The following SPOCK1 variants were observed in gnomAD, a reference collection of about 807,000 sequenced individuals.
SPOCK1 encodes SPARC (osteonectin), cwcv and kazal like domains proteoglycan 1.
In SPOCK1, 23 loss-of-function variants were observed where a neutral mutation model predicts 55.3. That is an observed-to-expected ratio of 0.42 (90% CI 0.30 to 0.59). The LOEUF (loss-of-function observed/expected upper bound fraction) is 0.59. Ranked by LOEUF, SPOCK1 falls within the 20% of genes least tolerant of loss-of-function variation. The pLI, the probability that SPOCK1 is intolerant of heterozygous loss-of-function variation, is 0.22. For synonymous variants in SPOCK1, 226 were observed against 221.0 expected, an observed-to-expected ratio of 1.02 and a Z score of -0.20; for missense variants, 499 against 552.5, an observed-to-expected ratio of 0.90 and a Z score of 0.97.
chr5:137,222,540 A>G (rs1222354303), intron 3 of SPOCK1, among the ~76,000 whole-genome samples: 1 of 152,192 alleles, frequency 6.6e-6, no homozygotes, highest in Admixed American at 6.5e-5. Context: ...TAATACAACT[A>G]TAAGAGGGAG....
chr5:137,424,047 CT>C (rs1433878441), intron 2 of SPOCK1, among the ~76,000 whole-genome samples: 3 of 151,956 alleles, frequency 2.0e-5, no homozygotes, highest in African/African-American at 7.3e-5. Flanking sequence ...AAAGTCTATC[CT>C]TTTCTCCAGT....
At chr5:137,318,986 A>T (rs1044609911) in intron 2 of SPOCK1, among the ~76,000 whole-genome samples, 12 of 152,230 alleles carry the variant, frequency 7.9e-5, no homozygotes, top group African/African-American at 2.9e-4. Context: ...CAGGGCATAC[A>T]ATTCATGCTT....
chr5:137,465,313 CAAAATCATGACAGCTTTAAAAAAATT>C (rs1486527894), intron 2 of SPOCK1, among the ~76,000 whole-genome samples: 3 of 152,166 alleles, frequency 2.0e-5, no homozygotes, highest in Middle Eastern at 3.4e-3. Flanking sequence ...AGAAAGCTGC[CAAAATCATGACAGCTTTAAAAAAATT>C]AAAATCATGA....
chr5:137,174,112 C>T (rs968666190), intron 3 of SPOCK1, among the ~76,000 whole-genome samples: 1 of 152,202 alleles, frequency 6.6e-6, no homozygotes, highest in African/African-American at 2.4e-5. Flanking sequence ...TATTGTGGTA[C>T]TTCTCACATT....
intron 3 of SPOCK1, among the ~76,000 whole-genome samples, chr5:137,256,227 T>C (rs1368444146): frequency 6.6e-6 from 1 of 151,448 alleles, no homozygotes; most frequent in Non-Finnish European, 1.5e-5. Flanking sequence ...TTTTAAAGGC[T>C]AAACCACTCC....
chr5:137,009,697 C>A (rs1416686315), intron 6 of SPOCK1, among the ~76,000 whole-genome samples: 1 of 152,120 alleles, frequency 6.6e-6, no homozygotes, highest in African/African-American at 2.4e-5. Flanking sequence ...TCTTTTAAAC[C>A]AAAAGGGAGA....
At chr5:137,196,318 T>C (rs1047344817) in intron 3 of SPOCK1, among the ~76,000 whole-genome samples, 3 of 152,098 alleles carry the variant, frequency 2.0e-5, no homozygotes, top group Admixed American at 6.5e-5. Context: ...TTTCATAACA[T>C]AAATCTGTCG....
At chr5:137,272,259 A>G (rs1415179939) in intron 2 of SPOCK1, among the ~76,000 whole-genome samples, 5 of 152,186 alleles carry the variant, frequency 3.3e-5, no homozygotes. Flanking sequence ...TCTTCACACT[A>G]CTTGACTGGG....
intron 2 of SPOCK1, among the ~76,000 whole-genome samples, chr5:137,275,162 CT>C (rs1269862131): frequency 6.6e-6 from 1 of 152,218 alleles, no homozygotes; most frequent in Non-Finnish European, 1.5e-5. Context: ...CATCTTATAG[CT>C]TATAGCACGT....
At chr5:137,308,791 T>C (rs1460839149) in intron 2 of SPOCK1, among the ~76,000 whole-genome samples, 1 of 152,158 alleles carries the variant, frequency 6.6e-6, no homozygotes, top group African/African-American at 2.4e-5. Flanking sequence ...TATACAACCA[T>C]CCTATGGAGT....
chr5:137,092,739 A>C (rs1753073621), intron 5 of SPOCK1, among the ~76,000 whole-genome samples: 1 of 152,240 alleles, frequency 6.6e-6, no homozygotes, highest in African/African-American at 2.4e-5. Context: ...ATGGATGAGC[A>C]CAGTGCCTCT....
At chr5:137,392,339 C>T (rs1016072738) in intron 2 of SPOCK1, among the ~76,000 whole-genome samples, 1 of 152,186 alleles carries the variant, frequency 6.6e-6, no homozygotes, top group Non-Finnish European at 1.5e-5. Flanking sequence ...CAACGCCAGC[C>T]CACAACTTGA....
At chr5:137,398,634 C>T (rs2127182809) in intron 2 of SPOCK1, among the ~76,000 whole-genome samples, 1 of 152,216 alleles carries the variant, frequency 6.6e-6, no homozygotes, top group South Asian at 2.1e-4. Context: ...CACCCAGAGA[C>T]CACAGCTAAA....
chr5:137,183,284 T>C (rs942579076), intron 3 of SPOCK1, among the ~76,000 whole-genome samples: 3 of 152,068 alleles, frequency 2.0e-5, no homozygotes, highest in African/African-American at 7.2e-5. Flanking sequence ...GCAACATGCA[T>C]GGGGTCACAG....
At chr5:137,289,047 G>T (rs1418585183) in intron 2 of SPOCK1, among the ~76,000 whole-genome samples, 1 of 152,202 alleles carries the variant, frequency 6.6e-6, no homozygotes. Context: ...TTGAGTCTTG[G>T]CTTCAACAAG....
At chr5:137,010,171 T>C (rs1751324873) in intron 6 of SPOCK1, among the ~76,000 whole-genome samples, 1 of 152,080 alleles carries the variant, frequency 6.6e-6, no homozygotes. Flanking sequence ...AATTCTGCAG[T>C]AGTCACATCT....
chr5:136,982,523 A>ATATTCTAATAT (rs1750752357), intron 9 of SPOCK1, among the ~76,000 whole-genome samples: 1 of 152,122 alleles, frequency 6.6e-6, no homozygotes, highest in South Asian at 2.1e-4. Flanking sequence ...TTTAAAACAT[A>ATATTCTAATAT]TATTCTAATA....
Position 137,304,250 on chromosome 5 carries a change from T to C in SPOCK1, c.187-37195A>G, listed in dbSNP as rs188126393. On this transcript the variant is annotated intron_variant, in intron 2 of 10. Coordinates refer to ENST00000394945, the MANE Select transcript of SPOCK1 (RefSeq NM_004598.4). ...TGATGTTCAAAGGCTTGAACCCACA[T>C]GTAATACTCAAGGTAGGGAAAGGAG... 5.3e-5 allele frequency among the ~76,000 whole-genome samples: 8 copies of C among 152,236 alleles called. No homozygotes were observed. In the East Asian group the frequency reaches 9.7e-4, roughly 18 times the overall value.
intron 5 of SPOCK1, among the ~76,000 whole-genome samples, chr5:137,091,920 C>T (rs4976406): frequency 0.53 from 81,045 of 151,892 alleles, 22,138 homozygotes; most frequent in South Asian, 0.61. Context: ...AGAAAGAATC[C>T]CCAAAGTGCT....
Sources: gnomAD v4.1 joint callset for allele counts (sites outside exome capture counted in the v4.1 genomes callset) on GRCh38, gnomAD v4.1.1 for gene constraint, MANE v1.5 for transcripts, NCBI Gene and HGNC (gene_info 2026-07-23, HGNC 2026-07-21) for gene names.